GSAP: variants seen among roughly 807,000 people sequenced by gnomAD.
GSAP encodes the protein gamma-secretase-activating protein.
Under a neutral mutation model 131.7 loss-of-function variants are expected in GSAP, and 118 were observed. The observed-to-expected ratio is 0.90, with a 90% CI of 0.77 to 1.04. GSAP has a LOEUF of 1.04. Among genes scored for constraint, GSAP ranks in the 50% least tolerant of loss-of-function variants. GSAP has a pLI of 0.00. For missense variants in GSAP, 1,019 were observed against 1,013.2 expected, an observed-to-expected ratio of 1.01 and a Z score of -0.08; for synonymous variants, 381 against 363.4, an observed-to-expected ratio of 1.05 and a Z score of -0.55.
chr7:77,414,995 T>C (rs560463204), intron 1 of GSAP, among the ~76,000 whole-genome samples: 50 of 151,946 alleles, frequency 3.3e-4, no homozygotes, highest in African/African-American at 6.0e-4. Context: ...GTAGCTGGGA[T>C]TACAGGAGCG....
At chr7:77,357,800 C>T (rs377741370) in intron 14 of GSAP, among the ~76,000 whole-genome samples, 21 of 152,316 alleles carry the variant, frequency 1.4e-4, no homozygotes, top group African/African-American at 4.8e-4. Flanking sequence ...GTCCTGCCCA[C>T]ACTTTGGTTT....
At chr7:77,386,991 T>C (rs6952004) in intron 6 of GSAP, among the ~76,000 whole-genome samples, 2,691 of 152,310 alleles carry the variant, frequency 0.018, 89 homozygotes, top group African/African-American at 0.061. Flanking sequence ...TACATGCAGT[T>C]TCTGCATCAA....
At chr7:77,351,515 G>A (rs17806725) in intron 18 of GSAP, 128,684 of 981,806 alleles carry the variant, frequency 0.13, 8,969 homozygotes, top group Non-Finnish European at 0.14. Flanking sequence ...TTCAAGATTA[G>A]AAGAGACCTT....
At position 77,326,259 on chromosome 7, in the gene GSAP, G is replaced by T. The variant is rs775914354; in HGVS notation, c.1780C>A (p.Pro594Thr). ...EARNLGPRLTPLLQEEDSHQR... is the reference protein window; with the variant it reads ...EARNLGPRLTTLLQEEDSHQR... Reference sequence around the variant, plus strand: ...TGGCTGTCTTCCTCCTGCAGGAGGGGTGTTAATCTTGGCCCTGAAATGAAA... The same window carrying T: ...TGGCTGTCTTCCTCCTGCAGGAGGGTTGTTAATCTTGGCCCTGAAATGAAA... The change falls in exon 23 of 31, where the codon CCC (proline) becomes ACC (threonine). Residue 594 changes from proline (P) to threonine (T), a missense_variant. By Grantham distance (38) the Pro-to-Thr change is conservative. Transcript: ENST00000257626. 3 of 1,611,580 alleles carry T rather than the reference G, an allele frequency of 1.9e-6. No homozygotes were observed. The highest frequency in any genetic ancestry group is 1.7e-6 in the Non-Finnish European group (2 of 1,177,990).
chr7:77,363,626 G>A (rs767944140), intron 12 of GSAP, among the ~76,000 whole-genome samples: 1 of 151,906 alleles, frequency 6.6e-6, no homozygotes, highest in African/African-American at 2.4e-5. Context: ...CCCCTAAGAG[G>A]GCTATTCAAG....
Position 77,313,498 on chromosome 7 carries a change from C to A in GSAP, c.2261G>T (p.Arg754Leu). Residue 754 changes from arginine (R) to leucine (L), a missense_variant, in exon 28 of 31, where the codon CGG becomes CTG. Arg to Leu is a moderately radical substitution (Grantham distance 102). Transcript: ENST00000257626. ...GTAACTCAGTATTACCGGAGGAAGCCGCACAATGATACTGAATTTCAGTTT... is the reference window on the plus strand; with the variant it reads ...GTAACTCAGTATTACCGGAGGAAGCAGCACAATGATACTGAATTTCAGTTT... Reference protein sequence around the residue: ...NEKLKFSIIVRLPPLIGQKIC... With the variant: ...NEKLKFSIIVLLPPLIGQKIC... 6.4e-7 allele frequency: 1 copy of A among 1,555,426 alleles called. No individual in the cohort carries two copies. Among genetic ancestry groups the A allele is most frequent in the Non-Finnish European group, 8.9e-7 (1 of 1,128,164 alleles).
chr7:77,343,759 A>G (rs1170763086), intron 19 of GSAP, among the ~76,000 whole-genome samples: 6 of 152,194 alleles, frequency 3.9e-5, no homozygotes, highest in Non-Finnish European at 7.3e-5. Context: ...AGACCAAGGA[A>G]AATTATCTCC....
At chr7:77,355,844 C>T (rs1256299639) in intron 14 of GSAP, among the ~76,000 whole-genome samples, 197 bp from the exon 15 acceptor site, 3 of 140,954 alleles carry the variant, frequency 2.1e-5, no homozygotes, top group South Asian at 4.6e-4. Context: ...GCTGGAGTAG[C>T]GGTGGTGTGA....
chr7:77,378,536 CA>C (rs1797323903), intron 8 of GSAP, among the ~76,000 whole-genome samples: 1 of 150,682 alleles, frequency 6.6e-6, no homozygotes, highest in South Asian at 2.1e-4. Flanking sequence ...AAAACAAAGG[CA>C]GAAAATGAAA....
chr7:77,353,448 T>G (rs1793195901), intron 17 of GSAP, 124 bp downstream of exon 17: 1 of 608,272 alleles, frequency 1.6e-6, no homozygotes, highest in African/African-American at 1.9e-5. Context: ...AGTTTTGTTT[T>G]TTTTTTTTAA....
intron 19 of GSAP, among the ~76,000 whole-genome samples, chr7:77,333,150 T>A (rs1371532538): frequency 2.0e-5 from 3 of 151,926 alleles, no homozygotes; most frequent in Non-Finnish European, 4.4e-5. Flanking sequence ...GTGGCGACAG[T>A]GCGAGACTGT....
intron 19 of GSAP, among the ~76,000 whole-genome samples, chr7:77,347,939 G>A (rs1341631053): frequency 1.3e-5 from 2 of 150,512 alleles, no homozygotes; most frequent in Non-Finnish European, 3.0e-5. Flanking sequence ...ATGACTTGAG[G>A]CCAGTAGATT....
At chr7:77,378,530 C>A (rs74894045) in intron 8 of GSAP, among the ~76,000 whole-genome samples, 21,050 of 135,434 alleles carry the variant, frequency 0.16, 1,544 homozygotes, top group South Asian at 0.24. Context: ...CAAAAAAAAA[C>A]AAAGGCAGAA....
chr7:77,368,649 G>A (rs112941744), intron 12 of GSAP, among the ~76,000 whole-genome samples: 49 of 152,360 alleles, frequency 3.2e-4, no homozygotes, highest in African/African-American at 1.1e-3. Context: ...TTGGATGTGA[G>A]TCCTGCTTTT....
Position 77,363,915 on chromosome 7 carries a change from AATAATT to A in GSAP, c.872-1261_872-1256del, listed in dbSNP as rs559931449. ...TCTATCACTAAAGTATAAACAAAAT[AATAATT>A]ATAAGAGTTACAAAAGTCTCATATA... On this transcript the variant is annotated intron_variant, in intron 12 of 30. Coordinates refer to ENST00000257626, the MANE Select transcript of GSAP (RefSeq NM_017439.4). Among the ~76,000 whole-genome samples, 229 of 152,254 alleles carry A rather than the reference AATAATT, an allele frequency of 1.5e-3. 1 individual carries two copies. Among genetic ancestry groups the A allele is most frequent in the Middle Eastern group, 0.014 (4 of 294 alleles).
At chr7:77,400,303 T>C (rs746252787) in intron 3 of GSAP, among the ~76,000 whole-genome samples, 1 of 151,700 alleles carries the variant, frequency 6.6e-6, no homozygotes, top group Non-Finnish European at 1.5e-5. Context: ...CCAGACCCAG[T>C]AGTAAAGAGT....
intron 19 of GSAP, among the ~76,000 whole-genome samples, chr7:77,341,787 C>T (rs760135501): frequency 1.6e-4 from 25 of 152,208 alleles, no homozygotes; most frequent in Non-Finnish European, 2.5e-4. Context: ...TAACTAACCT[C>T]ACCTTCAAGA....
At chr7:77,365,304 GTTTAT>G (rs1795121471) in intron 12 of GSAP, among the ~76,000 whole-genome samples, 1 of 151,934 alleles carries the variant, frequency 6.6e-6, no homozygotes, top group African/African-American at 2.4e-5. Flanking sequence ...TATCACAGGG[GTTTAT>G]TTTTACAGAT....
At chr7:77,384,474 G>T (rs1006569540) in intron 6 of GSAP, among the ~76,000 whole-genome samples, 2 of 152,106 alleles carry the variant, frequency 1.3e-5, no homozygotes, top group East Asian at 1.9e-4. Flanking sequence ...TTTTTGTATT[G>T]TAAGTAGGAT....
Sources: allele counts gnomAD v4.1 joint callset (sites outside exome capture counted in the v4.1 genomes callset), GRCh38; gene constraint gnomAD v4.1.1; transcripts MANE v1.5; gene names NCBI Gene and HGNC (gene_info 2026-07-23, HGNC 2026-07-21).